Variants in NEO1 observed in about 807,000 individuals in gnomAD.
The protein encoded by NEO1 is neogenin.
Under a neutral mutation model 159.7 loss-of-function variants are expected in NEO1, and 63 were observed. The ratio of observed to expected loss-of-function variants is 0.39; its 90% CI spans 0.32 to 0.49. NEO1 has a LOEUF of 0.49. NEO1 is among the 20% of genes least tolerant of loss of function. The pLI, the probability that NEO1 is intolerant of heterozygous loss-of-function variation, is 0.85. For missense variants in NEO1, 1,615 were observed against 1,831.0 expected (o/e 0.88, Z 2.15); for synonymous variants, 633 against 662.0 (o/e 0.96, Z 0.67).
At chr15:73,290,537 C>T (rs1033214263) in intron 25 of NEO1, among the ~76,000 whole-genome samples, 16 of 151,798 alleles carry the variant, frequency 1.1e-4, no homozygotes, top group Non-Finnish European at 1.6e-4. Context: ...CCCGCCCAGC[C>T]GGAATTTTTT....
chr15:73,228,192 A>G (rs138506286), intron 7 of NEO1, among the ~76,000 whole-genome samples: 1,723 of 152,338 alleles, frequency 0.011, 18 homozygotes, highest in South Asian at 0.017. Flanking sequence ...TCAAGGGCCC[A>G]AAGCAAACAT....
At chr15:73,054,552 A>T (rs1387320495) in intron 1 of NEO1, among the ~76,000 whole-genome samples, 1 of 152,242 alleles carries the variant, frequency 6.6e-6, no homozygotes, top group African/African-American at 2.4e-5. Context: ...ATAGGTTTTC[A>T]CAAAGTGGGT....
chr15:73,097,170 G>A (rs2070094639), intron 1 of NEO1, among the ~76,000 whole-genome samples: 1 of 152,060 alleles, frequency 6.6e-6, no homozygotes, highest in Admixed American at 6.6e-5. Context: ...CACTGAGATG[G>A]CTAAATTCTT....
Position 73,280,301 on chromosome 15 carries a change from A to G in NEO1, c.3262+2102A>G, listed in dbSNP as rs564118686. On this transcript the variant is annotated intron_variant, in intron 22 of 28. Transcript: ENST00000261908. ...GTTCCGTCTCAAAAAAAAAAAAAGG[A>G]AGCTGTTATAGTAGTCCAGATGAGG... Among the ~76,000 whole-genome samples, 44 of 151,570 alleles carry G rather than the reference A, an allele frequency of 2.9e-4. 1 individual carries two copies. Among genetic ancestry groups the G allele is most frequent in the African/African-American group, 1.1e-3 (44 of 41,346 alleles).
intron 7 of NEO1, among the ~76,000 whole-genome samples, chr15:73,234,928 C>T (rs2039092240): frequency 6.6e-6 from 1 of 152,144 alleles, no homozygotes; most frequent in South Asian, 2.1e-4. Flanking sequence ...ATGTCAGTCT[C>T]TACATATAAG....
At chr15:73,244,675 G>A (rs1465316223) in intron 9 of NEO1, among the ~76,000 whole-genome samples, 177 bp downstream of exon 9, 3 of 152,068 alleles carry the variant, frequency 2.0e-5, no homozygotes, top group Admixed American at 2.0e-4. Flanking sequence ...GTAGGGCTGG[G>A]TGTAGTGGCT....
intron 8 of NEO1, among the ~76,000 whole-genome samples, chr15:73,243,217 G>A (rs1015557260): frequency 2.5e-5 from 1 of 40,096 alleles, no homozygotes; most frequent in Admixed American, 4.9e-4. Flanking sequence ...TTAAAATAAA[G>A]TAACTTAAAA....
intron 5 of NEO1, among the ~76,000 whole-genome samples, chr15:73,156,346 G>C (rs190707918): frequency 6.6e-6 from 1 of 152,288 alleles, no homozygotes; most frequent in East Asian, 1.9e-4. Context: ...TGGTAGTGGT[G>C]GTGGGCTAAG....
intron 5 of NEO1, among the ~76,000 whole-genome samples, chr15:73,166,974 AG>A (rs1424595979): frequency 1.3e-5 from 2 of 151,966 alleles, no homozygotes; most frequent in Non-Finnish European, 2.9e-5. Flanking sequence ...TGTCCTTTGT[AG>A]GGACATGGAT....
At chr15:73,239,146 A>C (rs906901785) in intron 8 of NEO1, among the ~76,000 whole-genome samples, 1 of 152,232 alleles carries the variant, frequency 6.6e-6, no homozygotes, top group Middle Eastern at 3.4e-3. Context: ...TGCCTGGCCA[A>C]GTTATCATTT....
chr15:73,267,305 T>C (rs1241040316), intron 16 of NEO1, among the ~76,000 whole-genome samples: 3 of 152,224 alleles, frequency 2.0e-5, no homozygotes, highest in Non-Finnish European at 4.4e-5. Flanking sequence ...ATACATGTCA[T>C]GTAAATTTTT....
intron 26 of NEO1, among the ~76,000 whole-genome samples, chr15:73,294,712 G>A (rs1596636309): frequency 6.6e-6 from 1 of 152,024 alleles, no homozygotes; most frequent in Non-Finnish European, 1.5e-5. Flanking sequence ...GCTGATTTTT[G>A]TATTCTTAGT....
At chr15:73,182,484 A>T (rs2035669707) in intron 7 of NEO1, among the ~76,000 whole-genome samples, 1 of 152,028 alleles carries the variant, frequency 6.6e-6, no homozygotes, top group African/African-American at 2.4e-5. Context: ...CAAAGCAAAT[A>T]TATTAGTTCA....
chr15:73,216,691 GA>G (rs1340687005), intron 7 of NEO1, among the ~76,000 whole-genome samples: 3 of 152,136 alleles, frequency 2.0e-5, no homozygotes, highest in African/African-American at 7.2e-5. Flanking sequence ...CAGTGATGGT[GA>G]GCATTTTTTC....
At chr15:73,096,492 A>G (rs2070042891) in intron 1 of NEO1, among the ~76,000 whole-genome samples, 1 of 152,252 alleles carries the variant, frequency 6.6e-6, no homozygotes, top group African/African-American at 2.4e-5. Flanking sequence ...AATGCAGACC[A>G]GTCAAGAGCA....
rs1192721881 is a variant in NEO1, at chr15:73,260,488, G to C, written c.2398+23G>C. The C allele has an allele frequency of 2.6e-6, 4 of 1,512,418 alleles. No homozygotes were observed. In the East Asian group the frequency reaches 6.9e-5, roughly 26 times the overall value. 93.7% of individuals were successfully genotyped at this position (1,512,418 alleles called of 1,614,324 possible). A position where few individuals can be genotyped will look rare whatever the true frequency, so the allele number is the denominator to read the frequency against. ...TGGGTATGTTTGCTAAGTAGAGAAAGTTAATTGTGTGGGAGATTCCTTTCT... is the reference window on the plus strand; with the variant it reads ...TGGGTATGTTTGCTAAGTAGAGAAACTTAATTGTGTGGGAGATTCCTTTCT... On this transcript the variant is annotated intron_variant, in intron 15 of 28. Coordinates refer to ENST00000261908, the MANE Select transcript of NEO1 (RefSeq NM_002499.4).
rs1301315775 is a variant in NEO1, at chr15:73,302,679, G to A, written c.4369G>A (p.Ala1457Thr). 4.3e-6 allele frequency: 7 copies of A among 1,613,998 alleles called. No homozygotes were observed. The highest frequency in any genetic ancestry group is 1.1e-5 in the South Asian group (1 of 91,040). Residue 1457 changes from alanine (A) to threonine (T), a missense_variant, in exon 29 of 29, where the codon GCT becomes ACT. This residue lies in a region of NEO1 where 471 missense variants were observed against 498.9 expected (regional missense o/e 0.94). Transcript: ENST00000261908. ...GGAAGGACTAATGAAGGACCTAAAC[G>A]CTATCACAACAGCATGACGACCTTC... ...HLEGLMKDLN[A>T]ITTA
chr15:73,185,477 C>T (rs923430562), intron 7 of NEO1, among the ~76,000 whole-genome samples: 4 of 152,126 alleles, frequency 2.6e-5, no homozygotes, highest in Non-Finnish European at 4.4e-5. Context: ...ACTGACAACA[C>T]CATCAAACTC....
intron 7 of NEO1, among the ~76,000 whole-genome samples, chr15:73,199,679 G>C (rs78979218): frequency 0.011 from 1,653 of 152,218 alleles, 21 homozygotes; most frequent in East Asian, 0.049. Flanking sequence ...ACCTTAGACT[G>C]GGTGATTTAT....
Sources: gnomAD v4.1 joint callset for allele counts (sites outside exome capture counted in the v4.1 genomes callset) on GRCh38, gnomAD v4.1.1 for gene constraint, gnomAD v4.1.1 regional missense constraint, MANE v1.5 for transcripts, NCBI Gene and HGNC (gene_info 2026-07-23, HGNC 2026-07-21) for gene names.